Variants in CS observed in about 807,000 individuals in gnomAD.
CS encodes citrate synthase.
In CS, 13 loss-of-function variants were observed where a neutral mutation model predicts 61.4. That is an observed-to-expected ratio of 0.21 (90% CI 0.14 to 0.34). The LOEUF (loss-of-function observed/expected upper bound fraction) is 0.34. CS is among the 10% of genes least tolerant of loss of function. The pLI, the probability that CS is intolerant of heterozygous loss-of-function variation, is 1.00. For synonymous variants in CS, 159 were observed against 215.2 expected (o/e 0.74, Z 2.29); for missense variants, 278 against 573.4 (o/e 0.48, Z 5.26).
intron 3 of CS, 121 bp from the exon 4 acceptor site, chr12:56,283,978 G>T (rs1872852990): frequency 5.6e-6 from 4 of 714,042 alleles, no homozygotes; most frequent in Non-Finnish European, 9.6e-6. Flanking sequence ...TCTCAGACTT[G>T]TAAGACTTCA....
chr12:56,287,111 T>C (rs1872961726), intron 1 of CS, among the ~76,000 whole-genome samples: 2 of 152,106 alleles, frequency 1.3e-5, no homozygotes, highest in Admixed American at 6.5e-5. Flanking sequence ...ACAAAGATTA[T>C]CTACAAAGAA....
chr12:56,273,997 C>CA, intron 9 of CS: 1 of 374,614 alleles, frequency 2.7e-6, no homozygotes, highest in East Asian at 6.2e-5. Flanking sequence ...ACACATCTGG[C>CA]TTTTTTTTTT....
intron 1 of CS, 67 bp downstream of exon 1, chr12:56,300,093 C>T (rs1334862138): frequency 2.6e-5 from 39 of 1,493,470 alleles, no homozygotes; most frequent in Non-Finnish European, 3.2e-5. Context: ...GAGACCCCGG[C>T]GCCGGAGGGC....
intron 1 of CS, among the ~76,000 whole-genome samples, chr12:56,286,896 C>G (rs1189964224): frequency 2.0e-5 from 3 of 152,198 alleles, no homozygotes; most frequent in Non-Finnish European, 4.4e-5. Context: ...TTCCCATCAT[C>G]TGGGCTCCAG....
rs889202742 is a variant in CS, at chr12:56,300,308, G to A, written c.-107C>T. The stretch of plus-strand genomic sequence containing the variant: ...AGAGGCCGCGCCGACGGGTTGACAA[G>A]GTTGAAAGGAGGCGGCTGAAGGAAA... On this transcript the variant is annotated 5_prime_UTR_variant, in exon 1 of 11. Transcript: ENST00000351328. 2.0e-5 allele frequency: 25 copies of A among 1,242,072 alleles called. No individual in the cohort carries two copies. In the African/African-American group the frequency reaches 3.2e-4, roughly 16 times the overall value. 76.9% of individuals were successfully genotyped at this position (1,242,072 alleles called of 1,614,324 possible).
chr12:56,283,908 T>C, intron 3 of CS, 51 bp from the exon 4 acceptor site: 1 of 1,326,936 alleles, frequency 7.5e-7, no homozygotes, highest in Non-Finnish European at 1.1e-6. Flanking sequence ...TGGCCAGTAA[T>C]CAGAATGATT....
At chr12:56,282,020 G>A (rs1872790835) in intron 6 of CS, among the ~76,000 whole-genome samples, 2 of 152,114 alleles carry the variant, frequency 1.3e-5, no homozygotes, top group South Asian at 4.1e-4. Context: ...CATCACGCCT[G>A]GCTAATTTTT....
intron 1 of CS, chr12:56,291,406 G>C (rs1873122550): frequency 2.4e-6 from 1 of 421,082 alleles, no homozygotes; most frequent in African/African-American, 2.2e-5. Context: ...CTTTTTAAGG[G>C]CTTCTTGACC....
At chr12:56,292,600 GA>G (rs979129124) in intron 1 of CS, among the ~76,000 whole-genome samples, 2 of 149,884 alleles carry the variant, frequency 1.3e-5, no homozygotes, top group Admixed American at 1.3e-4. Flanking sequence ...AAATGGCCTT[GA>G]TGGCCTGGCG....
chr12:56,276,516 GGTTAAATGCTAAA>G (rs1399781957), intron 6 of CS, among the ~76,000 whole-genome samples: 1 of 152,144 alleles, frequency 6.6e-6, no homozygotes, highest in Non-Finnish European at 1.5e-5. Flanking sequence ...CATAGTATTA[GGTTAAATGCTAAA>G]GTCAAGTTTG....
At chr12:56,285,194 C>T (rs1261281043) in intron 3 of CS, 8 of 403,338 alleles carry the variant, frequency 2.0e-5, no homozygotes, top group Admixed American at 1.3e-4. Context: ...GAGCCACCCG[C>T]CTCAGCCTCC....
At chr12:56,283,330 G>A (rs1423732559) in intron 4 of CS, among the ~76,000 whole-genome samples, 4 of 152,052 alleles carry the variant, frequency 2.6e-5, no homozygotes, top group East Asian at 1.9e-4. Context: ...TGCAAACTCC[G>A]CCTCCTGGGT....
At chr12:56,295,933 G>A (rs970299219) in intron 1 of CS, among the ~76,000 whole-genome samples, 5 of 109,420 alleles carry the variant, frequency 4.6e-5, no homozygotes, top group African/African-American at 1.4e-4. Flanking sequence ...TAGCCTAGGC[G>A]ACAGAGCGAA....
intron 1 of CS, among the ~76,000 whole-genome samples, chr12:56,288,342 T>C (rs1050301688): frequency 6.6e-6 from 1 of 151,058 alleles, no homozygotes. Flanking sequence ...GAAGGCTTTT[T>C]AGAATTTTTT....
intron 3 of CS, among the ~76,000 whole-genome samples, chr12:56,284,203 C>T (rs899664379): frequency 2.0e-5 from 3 of 151,652 alleles, no homozygotes; most frequent in African/African-American, 4.9e-5. Context: ...CCTGTAATCC[C>T]AGCTACTTGG....
At chr12:56,283,939 C>A (rs998358940) in intron 3 of CS, 82 bp from the exon 4 acceptor site, 22 of 1,001,082 alleles carry the variant, frequency 2.2e-5, no homozygotes, top group Middle Eastern at 2.1e-4. Flanking sequence ...CTTGTTAGAG[C>A]TTCATGGGAT....
intron 1 of CS, among the ~76,000 whole-genome samples, chr12:56,287,479 C>CAAAAAAA (rs61199207): frequency 1.1e-4 from 5 of 44,734 alleles, no homozygotes; most frequent in Non-Finnish European, 1.6e-4. Context: ...AAGACTCTGT[C>CAAAAAAA]AAAAAAAAAA....
chr12:56,280,070 G>A (rs958849216), intron 6 of CS, among the ~76,000 whole-genome samples: 1 of 151,676 alleles, frequency 6.6e-6, no homozygotes. Flanking sequence ...CTGAGGTCAG[G>A]AGTTCTGGAC....
Position 56,300,189 on chromosome 12 carries a change from T to C in CS, c.13A>G (p.Thr5Ala), listed in dbSNP as rs760912991. 2.5e-6 allele frequency: 4 copies of C among 1,572,872 alleles called. No individual in the cohort carries two copies. In the African/African-American group the frequency reaches 4.1e-5, roughly 16 times the overall value. MALL[T>A]AAARLLGTKN... is the part of the protein sequence containing the mutation. ...GTTCCCAAGAGCCGGGCGGCCGCAG[T>C]AAGTAAAGCCATGGCGGGCGATCTC... The change falls in exon 1 of 11, where the codon ACT (threonine) becomes GCT (alanine). Residue 5 changes from threonine to alanine, a missense_variant. Coordinates refer to ENST00000351328, the MANE Select transcript of CS (RefSeq NM_004077.3).
Sources: gnomAD v4.1 joint callset for allele counts (sites outside exome capture counted in the v4.1 genomes callset) on GRCh38, gnomAD v4.1.1 for gene constraint, MANE v1.5 for transcripts, NCBI Gene and HGNC (gene_info 2026-07-23, HGNC 2026-07-21) for gene names.